The following KCNH7 variants were observed in gnomAD, a reference collection of about 807,000 sequenced individuals.
The protein encoded by KCNH7 is voltage-gated inwardly rectifying potassium channel KCNH7.
In KCNH7, 49 loss-of-function variants were observed where a neutral mutation model predicts 120.8. That is an observed-to-expected ratio of 0.41 (90% CI 0.32 to 0.51). KCNH7 has a LOEUF of 0.51. Among genes scored for constraint, KCNH7 ranks in the 20% least tolerant of loss-of-function variants. The probability of loss-of-function intolerance (pLI) is 0.38; values close to 1 mark genes in which losing one functional copy is unlikely to be tolerated. For synonymous variants in KCNH7, 547 were observed against 516.1 expected (o/e 1.06, Z -0.81); for missense variants, 1,097 against 1,446.6 (o/e 0.76, Z 3.92).
At chr2:162,422,610 A>T (rs1183697112) in intron 9 of KCNH7, among the ~76,000 whole-genome samples, 1 of 152,166 alleles carries the variant, frequency 6.6e-6, no homozygotes, top group African/African-American at 2.4e-5. Flanking sequence ...AATAATAAAA[A>T]GAGGTCTTTG....
intron 6 of KCNH7, among the ~76,000 whole-genome samples, chr2:162,482,528 G>T (rs1049849513): frequency 3.3e-5 from 5 of 152,080 alleles, no homozygotes; most frequent in Admixed American, 6.6e-5. Flanking sequence ...TGCAATAAAA[G>T]AATTAACCTG....
intron 6 of KCNH7, among the ~76,000 whole-genome samples, chr2:162,476,056 G>A (rs1221898850): frequency 2.0e-5 from 3 of 152,196 alleles, no homozygotes; most frequent in Non-Finnish European, 4.4e-5. Flanking sequence ...GGCACTCTAT[G>A]CCTTCAGCAA....
intron 6 of KCNH7, among the ~76,000 whole-genome samples, chr2:162,470,119 C>T (rs1164032221): frequency 2.6e-5 from 4 of 152,210 alleles, no homozygotes; most frequent in Non-Finnish European, 4.4e-5. Flanking sequence ...AGCCTCTACC[C>T]GGCCGCCACC....
chr2:162,420,235 G>A (rs1472352793), intron 9 of KCNH7, among the ~76,000 whole-genome samples: 13 of 152,024 alleles, frequency 8.6e-5, no homozygotes, highest in African/African-American at 2.9e-4. Context: ...AATTAGCCAG[G>A]CGTGGTGGCA....
chr2:162,387,140 A>G (rs1024833423), intron 12 of KCNH7, among the ~76,000 whole-genome samples: 6 of 150,204 alleles, frequency 4.0e-5, no homozygotes, highest in African/African-American at 1.5e-4. Context: ...ACCCACCTTT[A>G]TTTCTGTATT....
intron 2 of KCNH7, among the ~76,000 whole-genome samples, chr2:162,582,302 T>A (rs6745735): frequency 0.51 from 77,813 of 151,902 alleles, 20,154 homozygotes; most frequent in Middle Eastern, 0.62. Context: ...TCTGGAGTCC[T>A]TCATTAAGAT....
At chr2:162,703,831 G>C (rs1686600607) in intron 2 of KCNH7, among the ~76,000 whole-genome samples, 1 of 152,126 alleles carries the variant, frequency 6.6e-6, no homozygotes, top group Non-Finnish European at 1.5e-5. Context: ...AATACAGCTA[G>C]ATCTTCTAGC....
chr2:162,624,379 A>G (rs73028530), intron 2 of KCNH7, among the ~76,000 whole-genome samples: 2 of 152,186 alleles, frequency 1.3e-5, no homozygotes, highest in African/African-American at 4.8e-5. Flanking sequence ...TGTATCCCCT[A>G]TGGATAAGAG....
At chr2:162,713,344 G>A (rs187847487) in intron 2 of KCNH7, among the ~76,000 whole-genome samples, 170 of 152,290 alleles carry the variant, frequency 1.1e-3, no homozygotes, top group Non-Finnish European at 1.9e-3. Context: ...ATATCTGATG[G>A]ACAGAGGACA....
At chr2:162,419,925 AAAT>A (rs1448059257) in intron 9 of KCNH7, among the ~76,000 whole-genome samples, 1 of 152,148 alleles carries the variant, frequency 6.6e-6, no homozygotes, top group Non-Finnish European at 1.5e-5. Flanking sequence ...TGATTTGGAG[AAAT>A]TCATTGAGAT....
At chr2:162,754,564 G>A (rs1254650185) in intron 2 of KCNH7, among the ~76,000 whole-genome samples, 3 of 152,008 alleles carry the variant, frequency 2.0e-5, no homozygotes, top group African/African-American at 7.2e-5. Context: ...AACCAGGGTT[G>A]GATCTGTACA....
chr2:162,688,273 C>T (rs2105323909), intron 2 of KCNH7, among the ~76,000 whole-genome samples: 1 of 152,242 alleles, frequency 6.6e-6, no homozygotes, highest in African/African-American at 2.4e-5. Flanking sequence ...CATATTTATT[C>T]CTGAACATAT....
At chr2:162,773,150 A>G (rs754355727) in intron 2 of KCNH7, among the ~76,000 whole-genome samples, 5 of 152,192 alleles carry the variant, frequency 3.3e-5, no homozygotes, top group Non-Finnish European at 7.3e-5. Context: ...TAAACAAGAT[A>G]ATTTGTAACT....
chr2:162,519,453 T>G (rs1691440484), intron 3 of KCNH7, among the ~76,000 whole-genome samples: 1 of 151,784 alleles, frequency 6.6e-6, no homozygotes. Context: ...GCATAAAAGC[T>G]TCAAACTTTT....
intron 2 of KCNH7, among the ~76,000 whole-genome samples, chr2:162,613,540 TTTAA>T (rs908838910): frequency 8.5e-5 from 13 of 152,146 alleles, no homozygotes; most frequent in East Asian, 3.9e-4. Context: ...AAATTTACAC[TTTAA>T]TTGTCATTAT....
At chr2:162,681,217 C>T (rs1367152032) in intron 2 of KCNH7, among the ~76,000 whole-genome samples, 2 of 151,394 alleles carry the variant, frequency 1.3e-5, no homozygotes, top group African/African-American at 2.4e-5. Context: ...CTGTAGAGAG[C>T]TGTAAAAATA....
chr2:162,714,923 C>T (rs1249708792), intron 2 of KCNH7, among the ~76,000 whole-genome samples: 1 of 152,118 alleles, frequency 6.6e-6, no homozygotes, highest in Non-Finnish European at 1.5e-5. Flanking sequence ...ACTTTGCTGA[C>T]CTCTGTCCTA....
intron 13 of KCNH7, among the ~76,000 whole-genome samples, chr2:162,381,977 C>T (rs1237326808): frequency 1.3e-5 from 2 of 152,092 alleles, no homozygotes; most frequent in African/African-American, 2.4e-5. Flanking sequence ...TGATGCTTTT[C>T]TCTGTCTAGT....
intron 2 of KCNH7, among the ~76,000 whole-genome samples, chr2:162,759,332 A>C (rs1275560545): frequency 6.6e-6 from 1 of 152,024 alleles, no homozygotes; most frequent in Non-Finnish European, 1.5e-5. Flanking sequence ...CCTAGGGACT[A>C]ATAGCTGCAT....
Sources: allele counts gnomAD v4.1 joint callset (sites outside exome capture counted in the v4.1 genomes callset), GRCh38; gene constraint gnomAD v4.1.1; transcripts MANE v1.5; gene names NCBI Gene and HGNC (gene_info 2026-07-23, HGNC 2026-07-21).